Variants in L3MBTL1 observed in about 807,000 individuals in gnomAD.
The protein encoded by L3MBTL1 is L3MBTL histone methyl-lysine binding protein 1, also known as lethal(3)malignant brain tumor-like protein 1.
L3MBTL1 carries 75 observed loss-of-function variants against 105.3 expected under a neutral mutation model. That is an observed-to-expected ratio of 0.71 (90% CI 0.59 to 0.86). The LOEUF is 0.86. Among genes scored for constraint, L3MBTL1 ranks in the 40% least tolerant of loss-of-function variants. L3MBTL1 has a pLI of 0.00. For missense variants in L3MBTL1, 1,069 were observed against 1,126.4 expected (o/e 0.95, Z 0.73); for synonymous variants, 452 against 436.2 (o/e 1.04, Z -0.45).
chr20:43,535,095 C>A (rs768736237), intron 16 of L3MBTL1, among the ~76,000 whole-genome samples, 153 bp downstream of exon 16: 24 of 152,124 alleles, frequency 1.6e-4, no homozygotes, highest in Non-Finnish European at 3.4e-4. Flanking sequence ...ATCTGCCCCA[C>A]CCCCGGACCA....
rs778355165 is a variant in L3MBTL1, at chr20:43,522,456, A to ATTTTTTTTTTTTTTTTTTTTT, written c.863-6201_863-6200insTTTTTTTTTTTTTTTTTTTTT. Among the ~76,000 whole-genome samples the ATTTTTTTTTTTTTTTTTTTTT allele has an allele frequency of 7.8e-5, 7 of 89,874 alleles. 2 individuals carry two copies. The highest frequency in any genetic ancestry group is 3.6e-5 in the African/African-American group (1 of 27,454). 59.0% of individuals were successfully genotyped at this position (89,874 alleles called of 152,430 possible). ...ATGGTAACTGAATTTTTCCCTGCTAAGTTTTTTTTTTTTTTTTTTTTTTTT... is the reference window on the plus strand; with the variant it reads ...ATGGTAACTGAATTTTTCCCTGCTAATTTTTTTTTTTTTTTTTTTTTGTTTTTTTTTTTTTTTTTTTTTTTT... On this transcript the variant is annotated intron_variant, in intron 7 of 21. Coordinates refer to ENST00000418998, the MANE Select transcript of L3MBTL1 (RefSeq NM_001377303.1).
chr20:43,528,969 G>T, intron 8 of L3MBTL1: 1 of 604,012 alleles, frequency 1.7e-6, no homozygotes, highest in Non-Finnish European at 2.9e-6. Context: ...ACTCATCACT[G>T]GGCCTGCAGA....
chr20:43,523,075 C>T (rs1219468692), intron 7 of L3MBTL1, among the ~76,000 whole-genome samples: 6 of 151,748 alleles, frequency 4.0e-5, no homozygotes, highest in Non-Finnish European at 1.5e-5. Context: ...CCACTGCACT[C>T]CAGCCTGGGT....
Position 43,530,871 on chromosome 20 carries a change from GT to G in L3MBTL1, c.1269del (p.Phe423LeufsTer2). The G allele has an allele frequency of 6.2e-7, 1 of 1,613,952 alleles. No individual in the cohort carries two copies. The highest frequency in any genetic ancestry group is 8.5e-7 in the Non-Finnish European group (1 of 1,179,902). The stretch of plus-strand genomic sequence containing the variant: ...GAGCTCAGGCTGCCCCCAAGCACCT[GT>G]TTGTGAGCCAGAGCCACGTGAGTGC... ...TRAQAAPKHL[F>X]VSQSHSPPPL... On this transcript the variant is annotated frameshift_variant, in exon 11 of 22. Transcript: ENST00000418998. LOFTEE classifies it high-confidence loss of function.
chr20:43,514,454 G>A (rs2018249553), intron 3 of L3MBTL1, 181 bp from the exon 4 acceptor site: 4 of 1,496,732 alleles, frequency 2.7e-6, no homozygotes, highest in Non-Finnish European at 3.6e-6. Flanking sequence ...GGTGCTTGGG[G>A]GCGTAGCCTG....
intron 7 of L3MBTL1, among the ~76,000 whole-genome samples, chr20:43,524,362 C>G (rs978745970): frequency 1.3e-5 from 2 of 152,082 alleles, no homozygotes; most frequent in African/African-American, 4.8e-5. Flanking sequence ...TTAACAAATA[C>G]TAAGTGCCTC....
intron 9 of L3MBTL1, 54 bp downstream of exon 9, chr20:43,529,422 T>C (rs998768934): frequency 4.2e-5 from 52 of 1,231,128 alleles, no homozygotes; most frequent in Non-Finnish European, 5.9e-5. Context: ...TGCAGATTGA[T>C]GGATCTTGCT....
At chr20:43,522,456 AGTTTTTTTTTTTTTTTTT>A (rs2018770152) in intron 7 of L3MBTL1, among the ~76,000 whole-genome samples, 1 of 89,874 alleles carries the variant, frequency 1.1e-5, no homozygotes, top group African/African-American at 3.6e-5. Context: ...TTCCCTGCTA[AGTTTTTTTTTTTTTTTTT>A]TTTTTTTTTT....
chr20:43,545,449 G>T (rs1019988804), downstream of L3MBTL1, among the ~76,000 whole-genome samples: 1 of 152,012 alleles, frequency 6.6e-6, no homozygotes, highest in Non-Finnish European at 1.5e-5. Context: ...AGACACATCT[G>T]CTGGGGGTCA....
chr20:43,508,011 G>C (rs920905565), intron 1 of L3MBTL1, among the ~76,000 whole-genome samples: 1 of 152,190 alleles, frequency 6.6e-6, no homozygotes, highest in East Asian at 1.9e-4. Context: ...ATCAGGAGGG[G>C]CGAGGAGGGT....
intron 7 of L3MBTL1, among the ~76,000 whole-genome samples, chr20:43,519,308 C>T (rs1238763071): frequency 6.9e-6 from 1 of 145,900 alleles, no homozygotes; most frequent in Non-Finnish European, 1.5e-5. Context: ...CTGCACTCCA[C>T]CCTGTGTGAC....
intron 9 of L3MBTL1, 128 bp from the exon 10 acceptor site, chr20:43,530,156 A>G: frequency 9.0e-7 from 1 of 1,107,288 alleles, no homozygotes; most frequent in Non-Finnish European, 1.3e-6. Flanking sequence ...GAGGAAAGAA[A>G]GGTGGGGTTG....
At chr20:43,548,965 C>T (rs951612810) in exon 19 of L3MBTL1, 13 of 152,304 alleles carry the variant, frequency 8.5e-5, no homozygotes, top group African/African-American at 2.9e-4. Context: ...TAGTGTCCCA[C>T]GCCAAGTCCA....
At chr20:43,537,116 G>A (rs1160164292) in intron 19 of L3MBTL1, among the ~76,000 whole-genome samples, 1 of 152,204 alleles carries the variant, frequency 6.6e-6, no homozygotes, top group East Asian at 1.9e-4. Flanking sequence ...ACTCGGATCT[G>A]GCCTGACTCC....
At chr20:43,526,862 G>A (rs6030940) in intron 7 of L3MBTL1, among the ~76,000 whole-genome samples, 1 of 152,028 alleles carries the variant, frequency 6.6e-6, no homozygotes, top group South Asian at 2.1e-4. Context: ...TAGGAGAATC[G>A]CTTGAACCTG....
chr20:43,515,213 C>T, intron 5 of L3MBTL1, 54 bp downstream of exon 5: 7 of 1,613,966 alleles, frequency 4.3e-6, no homozygotes, highest in Non-Finnish European at 5.1e-6. Context: ...CCCAAAGCCT[C>T]ATTCCTGTTC....
intron 1 of L3MBTL1, among the ~76,000 whole-genome samples, chr20:43,510,149 A>C (rs3092065): frequency 1 from 152,207 of 152,212 alleles, 76,101 homozygotes; most frequent in Non-Finnish European, 1. Flanking sequence ...GCCACCACGC[A>C]TGGCCTGCCT....
intron 9 of L3MBTL1, 109 bp downstream of exon 9, chr20:43,529,477 A>G (rs539016054): frequency 1.5e-5 from 11 of 756,366 alleles, no homozygotes; most frequent in Middle Eastern, 2.4e-4. Context: ...AGCACACACA[A>G]TCTAGTAGTG....
chr20:43,514,303 G>A, intron 3 of L3MBTL1: 1 of 881,236 alleles, frequency 1.1e-6, no homozygotes, highest in Non-Finnish European at 1.7e-6. Context: ...TGGGTGTCTG[G>A]GGGCGTGGCT....
Sources: gnomAD v4.1 joint callset for allele counts (sites outside exome capture counted in the v4.1 genomes callset) on GRCh38, gnomAD v4.1.1 for gene constraint, MANE v1.5 for transcripts, NCBI Gene and HGNC (gene_info 2026-07-23, HGNC 2026-07-21) for gene names.